The following PRKN variants were observed in gnomAD, a reference collection of about 807,000 sequenced individuals.
PRKN encodes the protein parkin RBR E3 ubiquitin protein ligase.
PRKN carries 56 observed loss-of-function variants against 59.5 expected under a neutral mutation model. The ratio of observed to expected loss-of-function variants is 0.94; its 90% CI spans 0.76 to 1.18. PRKN has a LOEUF of 1.18. PRKN is among the 50% of genes most tolerant of loss of function. The probability of loss-of-function intolerance (pLI) is 0.00; values close to 1 mark genes in which losing one functional copy is unlikely to be tolerated. For missense variants in PRKN, 657 were observed against 596.4 expected, an observed-to-expected ratio of 1.10 and a Z score of -1.06; for synonymous variants, 250 against 222.1, an observed-to-expected ratio of 1.13 and a Z score of -1.12.
At chr6:162,570,072 G>C (rs1474157670) in intron 1 of PRKN, among the ~76,000 whole-genome samples, 1 of 152,088 alleles carries the variant, frequency 6.6e-6, no homozygotes, top group Admixed American at 6.5e-5. Context: ...TTAATAATCA[G>C]AATATACAAG....
intron 2 of PRKN, among the ~76,000 whole-genome samples, chr6:162,313,542 CAA>C (rs1237220641): frequency 6.6e-6 from 1 of 151,854 alleles, no homozygotes; most frequent in Non-Finnish European, 1.5e-5. Context: ...GGCTGGAATC[CAA>C]TGGTGCGATC....
intron 5 of PRKN, among the ~76,000 whole-genome samples, chr6:161,977,541 G>GTTTTTTTTTTTTTTTTTTTTTTTTTTTT (rs1562433349): frequency 1.0e-5 from 1 of 98,714 alleles, no homozygotes. Context: ...CTGTTTTTTT[G>GTTTTTTTTTTTTTTTTTTTTTTTTTTTT]GTTTTTTTTT....
At chr6:162,092,821 G>A (rs1333025853) in intron 4 of PRKN, among the ~76,000 whole-genome samples, 2 of 152,174 alleles carry the variant, frequency 1.3e-5, no homozygotes, top group Non-Finnish European at 2.9e-5. Context: ...GGATGCTGAC[G>A]AAGTAGAAAA....
intron 7 of PRKN, among the ~76,000 whole-genome samples, chr6:161,725,672 G>C (rs1288713165): frequency 6.6e-6 from 1 of 152,164 alleles, no homozygotes; most frequent in Non-Finnish European, 1.5e-5. Context: ...GGTTTTGGAG[G>C]TACCTGGAGC....
intron 10 of PRKN, among the ~76,000 whole-genome samples, chr6:161,383,128 C>T (rs2114933667): frequency 6.6e-6 from 1 of 152,312 alleles, no homozygotes; most frequent in East Asian, 1.9e-4. Context: ...AGAGTGTCAT[C>T]CTTTCAAAGA....
chr6:162,672,422 TAA>T (rs1333023370), intron 1 of PRKN, among the ~76,000 whole-genome samples: 1 of 152,000 alleles, frequency 6.6e-6, no homozygotes, highest in Non-Finnish European at 1.5e-5. Context: ...GCAAAAAAAA[TAA>T]ATGAACACTA....
rs1271738772 is a variant in PRKN, at chr6:161,447,512, G to A, written c.1084-60635C>T. Among the ~76,000 whole-genome samples the A allele has an allele frequency of 6.6e-6, 1 of 152,106 alleles. No individual in the cohort carries two copies. The highest frequency in any genetic ancestry group is 1.5e-5 in the Non-Finnish European group (1 of 68,036). On this transcript the variant is annotated intron_variant, in intron 9 of 11. Coordinates refer to ENST00000366898, the MANE Select transcript of PRKN (RefSeq NM_004562.3). The surrounding 1 kb of genome is among the most constrained non-coding windows in gnomAD (Gnocchi z 4.1). ...CATCCTTTCTTTCCTTCCTTTCCTT[G>A]AGATGGAGTCTCTCTCTGTCGCCCA...
At position 161,498,789 on chromosome 6, in the gene PRKN, T is replaced by A. The variant is rs777898911; in HGVS notation, c.1083+50065A>T. On this transcript the variant is annotated intron_variant, in intron 9 of 11. Coordinates refer to ENST00000366898, the MANE Select transcript of PRKN (RefSeq NM_004562.3). The surrounding 1 kb of genome is among the most constrained non-coding windows in gnomAD (Gnocchi z 4.2). ...AGTTGTTTGTTACTGCAACAGACTT[T>A]AGTCTGTGCTGACTAATACATCCAG... 3.9e-5 allele frequency among the ~76,000 whole-genome samples: 6 copies of A among 152,216 alleles called. No individual in the cohort carries two copies. Among genetic ancestry groups the A allele is most frequent in the Non-Finnish European group, 5.9e-5 (4 of 68,030 alleles).
At chr6:162,221,475 A>G (rs1439102278) in intron 3 of PRKN, among the ~76,000 whole-genome samples, 2 of 152,172 alleles carry the variant, frequency 1.3e-5, no homozygotes, top group African/African-American at 4.8e-5. Flanking sequence ...TCTTCAAATA[A>G]GCATGCTTTA....
At chr6:162,612,817 G>T (rs1782252521) in intron 1 of PRKN, among the ~76,000 whole-genome samples, 1 of 152,056 alleles carries the variant, frequency 6.6e-6, no homozygotes, top group African/African-American at 2.4e-5. Flanking sequence ...CAGCTTCCAG[G>T]AGAGAGGCTG....
In PRKN at chr6:161,402,862, G is replaced by T. The variant is rs1246603029; in HGVS notation, c.1084-15985C>A. On this transcript the variant is annotated intron_variant, in intron 9 of 11. Transcript: ENST00000366898. This position sits in a 1 kb window ranked among gnomAD's most constrained non-coding sequence, Gnocchi z 4.5. ...AGTTGTCTCCGAGCAGCCCTGAGCA[G>T]AACAGGCAGTAGTCTCTCCAGGCAT... Among the ~76,000 whole-genome samples the T allele has an allele frequency of 2.6e-5, 4 of 152,146 alleles. No homozygotes were observed. Among genetic ancestry groups the T allele is most frequent in the Non-Finnish European group, 4.4e-5 (3 of 68,036 alleles).
At chr6:162,317,248 T>A (rs182762361) in intron 2 of PRKN, among the ~76,000 whole-genome samples, 1 of 152,156 alleles carries the variant, frequency 6.6e-6, no homozygotes, top group Admixed American at 6.5e-5. Flanking sequence ...CAGCTGGACA[T>A]AATTGAATCA....
At chr6:161,691,039 T>A (rs1361580963) in intron 7 of PRKN, among the ~76,000 whole-genome samples, 9 of 58,862 alleles carry the variant, frequency 1.5e-4, no homozygotes, top group Non-Finnish European at 2.0e-4. Context: ...CCTCCTTTCC[T>A]TTCCATCCAT....
chr6:162,220,798 A>T (rs1219758318), intron 3 of PRKN, among the ~76,000 whole-genome samples: 2 of 152,228 alleles, frequency 1.3e-5, no homozygotes, highest in African/African-American at 4.8e-5. Context: ...CACTTACCGA[A>T]TGACTGAAAT....
chr6:161,355,288 T>G lies in PRKN; in HGVS notation c.1285+4800A>C, dbSNP rs936046852. Among the ~76,000 whole-genome samples the G allele has an allele frequency of 1.3e-5, 2 of 152,264 alleles. No individual in the cohort carries two copies. The highest frequency in any genetic ancestry group is 2.9e-5 in the Non-Finnish European group (2 of 68,052). On this transcript the variant is annotated intron_variant, in intron 11 of 11. Transcript: ENST00000366898. The surrounding 1 kb of genome is among the most constrained non-coding windows in gnomAD (Gnocchi z 6.8). ...CTGGTATCATCTCTTCCAGGAAGCC[T>G]CCTCCTCCGGGTCTGTGTGCCCTGA...
chr6:162,335,982 C>A (rs1583400814), intron 2 of PRKN, among the ~76,000 whole-genome samples: 1 of 151,534 alleles, frequency 6.6e-6, no homozygotes, highest in East Asian at 1.9e-4. Context: ...CTGCCACACA[C>A]CTTGGCTTTC....
Position 161,352,771 on chromosome 6 carries a change from A to ATATATATATATATATT in PRKN, c.1286-2561_1286-2560insAATATATATATATATA, listed in dbSNP as rs34279714. Among the ~76,000 whole-genome samples the ATATATATATATATATT allele has an allele frequency of 2.6e-5, 3 of 116,900 alleles. No individual in the cohort carries two copies. The highest frequency in any genetic ancestry group is 5.9e-5 in the Non-Finnish European group (3 of 50,488). 76.7% of individuals were successfully genotyped at this position (116,900 alleles called of 152,430 possible). A position where few individuals can be genotyped will look rare whatever the true frequency, so the allele number is the denominator to read the frequency against. On this transcript the variant is annotated intron_variant, in intron 11 of 11. Transcript: ENST00000366898. This position sits in a 1 kb window ranked among gnomAD's most constrained non-coding sequence, Gnocchi z 5.8. ...TGTGTGTGTGTATATATATATATAT[A>ATATATATATATATATT]TTTTATTTTATTTTATTTTATTTTT...
chr6:162,645,299 T>C (rs1490087439), intron 1 of PRKN, among the ~76,000 whole-genome samples: 1 of 152,124 alleles, frequency 6.6e-6, no homozygotes, highest in African/African-American at 2.4e-5. Flanking sequence ...GCCTCATTCA[T>C]GGAAAAGACA....
rs926511505 is a variant in PRKN, at chr6:161,407,588, G to A, written c.1084-20711C>T. On this transcript the variant is annotated intron_variant, in intron 9 of 11. Coordinates refer to ENST00000366898, the MANE Select transcript of PRKN (RefSeq NM_004562.3). This position sits in a 1 kb window ranked among gnomAD's most constrained non-coding sequence, Gnocchi z 4.9. ...ACAAAAAGGTACTTCTTAGAGTTGA[G>A]GATAAGTGTTGGATGCAAAGCTGTC... Among the ~76,000 whole-genome samples, 1 of 152,160 alleles carries A rather than the reference G, an allele frequency of 6.6e-6. No homozygotes were observed. Among genetic ancestry groups the A allele is most frequent in the African/African-American group, 2.4e-5 (1 of 41,424 alleles).
Sources: allele counts gnomAD v4.1 joint callset (sites outside exome capture counted in the v4.1 genomes callset), GRCh38; gene constraint gnomAD v4.1.1; non-coding constraint Gnocchi (gnomAD v3.1); transcripts MANE v1.5; gene names NCBI Gene and HGNC (gene_info 2026-07-23, HGNC 2026-07-21).